SLC35F1: variants seen among roughly 807,000 people sequenced by gnomAD.
SLC35F1 encodes solute carrier family 35 member F1, also known as chromosome 6 open reading frame 169.
In SLC35F1, 14 loss-of-function variants were observed where a neutral mutation model predicts 48.7. That is an observed-to-expected ratio of 0.29 (90% CI 0.19 to 0.45). The LOEUF (loss-of-function observed/expected upper bound fraction) is 0.45. Ranked by LOEUF, SLC35F1 falls within the 20% of genes least tolerant of loss-of-function variation. The pLI is 1.00. For synonymous variants in SLC35F1, 190 were observed against 202.2 expected (o/e 0.94, Z 0.51); for missense variants, 404 against 500.0 (o/e 0.81, Z 1.83).
chr6:118,291,242 TACACACACACACAC>T (rs10603708), intron 7 of SLC35F1, among the ~76,000 whole-genome samples: 4,629 of 148,680 alleles, frequency 0.031, 237 homozygotes, highest in African/African-American at 0.1. Context: ...GTATCATGTA[TACACACACACACAC>T]ACACACACAC....
rs138289068 is a variant in SLC35F1, at chr6:117,957,078, C to T, written c.173+49179C>T. Among the ~76,000 whole-genome samples, 491 of 152,318 alleles carry T rather than the reference C, an allele frequency of 3.2e-3. 2 individuals are homozygous for T. Among genetic ancestry groups the T allele is most frequent in the Non-Finnish European group, 5.3e-3 (360 of 68,030 alleles). On this transcript the variant is annotated intron_variant, in intron 1 of 7. Transcript: ENST00000360388. ...GCTTGGTGGGCATCTCTCCTCCTGA[C>T]TCGGGTATCCTGAGTGATTTGTGAC...
chr6:118,017,518 T>C (rs180898207), intron 1 of SLC35F1, among the ~76,000 whole-genome samples: 1 of 152,284 alleles, frequency 6.6e-6, no homozygotes, highest in Admixed American at 6.5e-5. Context: ...TGATATTCAG[T>C]GGGTAGTAAA....
At chr6:118,276,245 A>C (rs540475121) in intron 5 of SLC35F1, among the ~76,000 whole-genome samples, 1 of 152,246 alleles carries the variant, frequency 6.6e-6, no homozygotes, top group Non-Finnish European at 1.5e-5. Context: ...TGTTATGAGC[A>C]TAAGTTTCAA....
At chr6:118,291,288 TATA>T (rs1489317862) in intron 7 of SLC35F1, among the ~76,000 whole-genome samples, 10 of 151,160 alleles carry the variant, frequency 6.6e-5, no homozygotes, top group Non-Finnish European at 1.0e-4. Flanking sequence ...CACACACATA[TATA>T]ATAACTTTGG....
chr6:118,304,108 C>T (rs1205121281), intron 7 of SLC35F1, among the ~76,000 whole-genome samples: 1 of 152,156 alleles, frequency 6.6e-6, no homozygotes, highest in East Asian at 1.9e-4. Context: ...GCTAGAGTTA[C>T]TCATATATGC....
intron 1 of SLC35F1, among the ~76,000 whole-genome samples, chr6:118,052,486 G>A (rs1464907594): frequency 2.6e-5 from 4 of 152,116 alleles, no homozygotes; most frequent in East Asian, 1.9e-4. Flanking sequence ...CTTAGAAAAG[G>A]TGAATTTAAA....
intron 1 of SLC35F1, among the ~76,000 whole-genome samples, chr6:118,084,652 A>G (rs143509758): frequency 1.7e-3 from 259 of 152,158 alleles, no homozygotes; most frequent in African/African-American, 6.0e-3. Flanking sequence ...GGGGGTTTCA[A>G]AGGTAGGTGA....
At chr6:118,049,319 C>T (rs908276809) in intron 1 of SLC35F1, among the ~76,000 whole-genome samples, 5 of 152,092 alleles carry the variant, frequency 3.3e-5, no homozygotes, top group African/African-American at 1.2e-4. Flanking sequence ...GACTTCATGG[C>T]TAAAACACCA....
intron 3 of SLC35F1, among the ~76,000 whole-genome samples, chr6:118,246,767 T>C (rs1265798381): frequency 6.6e-6 from 1 of 152,192 alleles, no homozygotes; most frequent in Non-Finnish European, 1.5e-5. Context: ...TGTAAGATTG[T>C]ATTTGATGGT....
At chr6:118,113,725 C>A (rs772005298) in intron 1 of SLC35F1, among the ~76,000 whole-genome samples, 1 of 152,148 alleles carries the variant, frequency 6.6e-6, no homozygotes, top group Non-Finnish European at 1.5e-5. Flanking sequence ...GTTTCTTTAA[C>A]TTTTCTTCCT....
chr6:118,137,133 T>G (rs78787280), intron 1 of SLC35F1, among the ~76,000 whole-genome samples: 1,540 of 152,296 alleles, frequency 0.01, 28 homozygotes, highest in African/African-American at 0.035. Context: ...TCACATCATT[T>G]AAGTGTCTTT....
At chr6:118,049,184 C>T (rs996656880) in intron 1 of SLC35F1, among the ~76,000 whole-genome samples, 5 of 152,140 alleles carry the variant, frequency 3.3e-5, no homozygotes, top group African/African-American at 1.2e-4. Context: ...AAACTAGATC[C>T]CTTCCTTACA....
At chr6:118,273,046 AT>A (rs1775877256) in intron 4 of SLC35F1, among the ~76,000 whole-genome samples, 1 of 149,464 alleles carries the variant, frequency 6.7e-6, no homozygotes, top group Non-Finnish European at 1.5e-5. Context: ...GACAAATATA[AT>A]TATCAGCAAA....
At chr6:118,038,134 A>G (rs926981566) in intron 1 of SLC35F1, among the ~76,000 whole-genome samples, 1 of 152,216 alleles carries the variant, frequency 6.6e-6, no homozygotes, top group Non-Finnish European at 1.5e-5. Flanking sequence ...TGGTTGTCAT[A>G]TGAGTTATAT....
chr6:117,983,728 TA>T (rs1434567827), intron 1 of SLC35F1, among the ~76,000 whole-genome samples: 1 of 152,190 alleles, frequency 6.6e-6, no homozygotes, highest in Non-Finnish European at 1.5e-5. Flanking sequence ...GATAAAATAA[TA>T]AAAACCCATT....
intron 2 of SLC35F1, among the ~76,000 whole-genome samples, chr6:118,204,536 C>T (rs205924): frequency 0.72 from 109,815 of 152,012 alleles, 40,569 homozygotes; most frequent in African/African-American, 0.85. Context: ...TTCTGAAATA[C>T]GTACAGCTCT....
chr6:118,099,981 A>G (rs1382509477), intron 1 of SLC35F1, among the ~76,000 whole-genome samples: 1 of 152,244 alleles, frequency 6.6e-6, no homozygotes, highest in Admixed American at 6.5e-5. Flanking sequence ...TAGTTTGTGT[A>G]TAATAAATAA....
intron 2 of SLC35F1, among the ~76,000 whole-genome samples, chr6:118,183,709 AC>A (rs1774617673): frequency 6.6e-6 from 1 of 152,112 alleles, no homozygotes; most frequent in Admixed American, 6.6e-5. Context: ...AGAAGCTCCA[AC>A]CTAGTTAGAG....
intron 1 of SLC35F1, among the ~76,000 whole-genome samples, chr6:117,984,849 A>G (rs990530572): frequency 1.3e-5 from 2 of 152,228 alleles, no homozygotes; most frequent in South Asian, 2.1e-4. Flanking sequence ...ACCAGAGTGC[A>G]TGACAGAGCT....
Sources: gnomAD v4.1 joint callset for allele counts (sites outside exome capture counted in the v4.1 genomes callset) on GRCh38, gnomAD v4.1.1 for gene constraint, MANE v1.5 for transcripts, NCBI Gene and HGNC (gene_info 2026-07-23, HGNC 2026-07-21) for gene names.